AHCY: variants seen among roughly 807,000 people sequenced by gnomAD.
AHCY encodes S-adenosyl-L-homocysteine hydrolase.
In AHCY, 24 loss-of-function variants were observed where a neutral mutation model predicts 45.4. The observed-to-expected ratio is 0.53, with a 90% CI of 0.38 to 0.74. AHCY has a LOEUF of 0.74. Ranked by LOEUF, AHCY falls within the 30% of genes least tolerant of loss-of-function variation. The pLI is 0.00. For synonymous variants in AHCY, 245 were observed against 235.1 expected (o/e 1.04, Z -0.39); for missense variants, 449 against 594.1 (o/e 0.76, Z 2.54).
At chr20:34,302,899 G>A (rs946917217) in intron 1 of AHCY, 2 of 985,334 alleles carry the variant, frequency 2.0e-6, no homozygotes, top group Non-Finnish European at 1.2e-6. Flanking sequence ...CTAGGAGGCC[G>A]GGCGCAGGCC....
chr20:34,294,103 G>A lies in AHCY; in HGVS notation c.273C>T (p.Ala91=), dbSNP rs1428334112. 1.2e-5 allele frequency: 19 copies of A among 1,613,610 alleles called. No individual in the cohort carries two copies. Among genetic ancestry groups the A allele is most frequent in the Non-Finnish European group, 4.2e-6 (5 of 1,180,014 alleles). Residue 91 remains alanine (A), a synonymous_variant, in exon 3 of 10, where the codon GCC becomes GCT. Coordinates refer to ENST00000217426, the MANE Select transcript of AHCY (RefSeq NM_000687.4). ...TACCCGGAATGCCAGCCTTGGCAATGGCAGCCGCCGCATGGTCCTGGGTGG... is the reference window on the plus strand; with the variant it reads ...TACCCGGAATGCCAGCCTTGGCAATAGCAGCCGCCGCATGGTCCTGGGTGG... ...IFSTQDHAAA[A]IAKAGIPVYA...
the AHCY span, among the ~76,000 whole-genome samples, chr20:34,235,932 G>A: frequency 7.6e-3 from 711 of 94,044 alleles, 229 homozygotes; most frequent in African/African-American, 0.095. Flanking sequence ...GGAAGGAAGC[G>A]GGAGGGAGGG....
chr20:34,268,789 C>T, the AHCY span, among the ~76,000 whole-genome samples: 1 of 151,748 alleles, frequency 6.6e-6, no homozygotes, highest in African/African-American at 2.4e-5. Context: ...AGAAGACGAC[C>T]AGGGCCAGGC....
chr20:34,293,073 G>T (rs904623142), intron 3 of AHCY, among the ~76,000 whole-genome samples: 3 of 152,076 alleles, frequency 2.0e-5, no homozygotes, highest in Admixed American at 6.6e-5. Context: ...CCATGTGTGG[G>T]GTACTTGCTT....
chr20:34,266,209 G>A, the AHCY span, among the ~76,000 whole-genome samples: 5 of 151,980 alleles, frequency 3.3e-5, no homozygotes, highest in Admixed American at 2.0e-4. Context: ...AAAATTAGCC[G>A]GAGGTGGTGG....
At chr20:34,279,095 G>T (rs1394369022), downstream of AHCY, among the ~76,000 whole-genome samples, 1 of 101,026 alleles carries the variant, frequency 9.9e-6, no homozygotes, top group Non-Finnish European at 1.9e-5. Flanking sequence ...GGCGACGAGA[G>T]TGAGACTCCG....
chr20:34,235,840 AGAAGGAAGGAAGGAAGGAAGGAAGGAAAG>A, the AHCY span, among the ~76,000 whole-genome samples: 1 of 53,754 alleles, frequency 1.9e-5, no homozygotes, highest in African/African-American at 1.9e-4. Flanking sequence ...AAAGAAAGAA[AGAAGGAAGGAAGGAAGGAAGGAAGGAAAG>A]GAAGGAAGGA....
At chr20:34,269,657 G>A in the AHCY span, among the ~76,000 whole-genome samples, 3 of 151,784 alleles carry the variant, frequency 2.0e-5, no homozygotes, top group Admixed American at 6.6e-5. Context: ...CGGAAAGAAA[G>A]AAAGAGGCCA....
upstream of AHCY, among the ~76,000 whole-genome samples, chr20:34,305,472 C>T (rs2036886549): frequency 1.3e-5 from 2 of 152,142 alleles, no homozygotes; most frequent in Admixed American, 6.5e-5. Context: ...GGGTCCACGC[C>T]TGGGAGGTGG....
chr20:34,273,794 C>G, the AHCY span, among the ~76,000 whole-genome samples: 1 of 152,000 alleles, frequency 6.6e-6, no homozygotes, highest in South Asian at 2.1e-4. Context: ...ATGTTGGGAG[C>G]GGGTATTGGG....
intron 9 of AHCY, 72 bp downstream of exon 9, chr20:34,285,368 C>CT: frequency 6.4e-7 from 1 of 1,570,234 alleles, no homozygotes; most frequent in African/African-American, 1.4e-5. Flanking sequence ...TTTATAAACT[C>CT]TGGCAAGCCC....
chr20:34,281,476 G>T (rs749373730), intron 9 of AHCY, among the ~76,000 whole-genome samples: 15 of 152,160 alleles, frequency 9.9e-5, no homozygotes, highest in Non-Finnish European at 1.5e-4. Flanking sequence ...CTATGCACAG[G>T]ACATATTTTC....
chr20:34,237,169 C>A, the AHCY span, among the ~76,000 whole-genome samples: 2 of 152,022 alleles, frequency 1.3e-5, no homozygotes, highest in Non-Finnish European at 2.9e-5. Flanking sequence ...AAGTGTGAGT[C>A]CTCCAGCTTT....
the AHCY span, among the ~76,000 whole-genome samples, chr20:34,263,141 T>C: frequency 1.3e-5 from 2 of 152,236 alleles, no homozygotes; most frequent in African/African-American, 2.4e-5. Flanking sequence ...AGTTAGCCCC[T>C]GCCTGAAATT....
chr20:34,274,185 A>C, the AHCY span, among the ~76,000 whole-genome samples: 1 of 152,190 alleles, frequency 6.6e-6, no homozygotes, highest in South Asian at 2.1e-4. Context: ...GTCTGCAGTT[A>C]TCATAGTGCC....
chr20:34,240,837 A>T, the AHCY span, among the ~76,000 whole-genome samples: 17 of 152,296 alleles, frequency 1.1e-4, no homozygotes, highest in Admixed American at 9.8e-4. Flanking sequence ...TTGTAACCTC[A>T]ATGTCAACAT....
intron 1 of AHCY, among the ~76,000 whole-genome samples, chr20:34,300,752 T>A (rs1047098944): frequency 6.6e-6 from 1 of 152,202 alleles, no homozygotes. Flanking sequence ...GAGACCAGAT[T>A]TGTCTTTTGA....
chr20:34,283,288 C>T (rs183744336), intron 9 of AHCY, among the ~76,000 whole-genome samples: 64 of 152,278 alleles, frequency 4.2e-4, no homozygotes, highest in Admixed American at 3.1e-3. Flanking sequence ...TGATACTTAA[C>T]ATCTGTGAGA....
Position 34,290,661 on chromosome 20 carries a change from G to A in AHCY, c.767-23C>T. 1 of 1,613,900 alleles carries A rather than the reference G, an allele frequency of 6.2e-7. No homozygotes were observed. The highest frequency in any genetic ancestry group is 8.5e-7 in the Non-Finnish European group (1 of 1,179,880). On this transcript the variant is annotated intron_variant, in intron 6 of 9. Coordinates refer to ENST00000217426, the MANE Select transcript of AHCY (RefSeq NM_000687.4). The surrounding 1 kb of genome is among the most constrained non-coding windows in gnomAD (Gnocchi z 4.5). ...AGCCTGTGCAGAGACAGTGGCTGTG[G>A]GTCATCTACGGTGGCCTTGCCCCTC...
Sources: allele counts gnomAD v4.1 joint callset (sites outside exome capture counted in the v4.1 genomes callset), GRCh38; gene constraint gnomAD v4.1.1; non-coding constraint Gnocchi (gnomAD v3.1); transcripts MANE v1.5; gene names NCBI Gene and HGNC (gene_info 2026-07-23, HGNC 2026-07-21).